Variants in DHRS7C observed in about 807,000 individuals in gnomAD.
The protein encoded by DHRS7C is dehydrogenase/reductase SDR family member 7C.
A neutral mutation model predicts 29.6 loss-of-function variants in DHRS7C; 28 were observed. That is an observed-to-expected ratio of 0.95 (90% confidence interval 0.70 to 1.30). The LOEUF (loss-of-function observed/expected upper bound fraction) is 1.30. DHRS7C is among the 50% of genes most tolerant of loss of function. The pLI is 0.00. For synonymous variants in DHRS7C, 158 were observed against 160.2 expected (o/e 0.99, Z 0.10); for missense variants, 403 against 393.3 (o/e 1.02, Z -0.21).
chr17:9,771,841 G>C (rs1458145198), intron 5 of DHRS7C, 145 bp from the exon 6 acceptor site: 1 of 738,612 alleles, frequency 1.4e-6, no homozygotes, highest in African/African-American at 1.8e-5. Context: ...GCCACCCGCG[G>C]ACCGCGGCGA....
At chr17:9,777,781 C>T (rs189583535) in intron 3 of DHRS7C, among the ~76,000 whole-genome samples, 159 of 152,202 alleles carry the variant, frequency 1.0e-3, no homozygotes, top group African/African-American at 3.5e-3. Flanking sequence ...GTGTCTTTAA[C>T]GCCTCTCTTG....
chr17:9,773,000 G>A (rs984956741), intron 4 of DHRS7C, 78 bp from the exon 5 acceptor site: 3 of 1,540,924 alleles, frequency 1.9e-6, no homozygotes, highest in Non-Finnish European at 2.6e-6. Context: ...GAGGCAGGAG[G>A]GCCGACAGAC....
chr17:9,772,646 C>T (rs2066337097), intron 5 of DHRS7C, 121 bp downstream of exon 5: 3 of 1,320,804 alleles, frequency 2.3e-6, no homozygotes, highest in South Asian at 1.5e-5. Flanking sequence ...GCTGAGCCTC[C>T]TCCACCCCCA....
intron 1 of DHRS7C, among the ~76,000 whole-genome samples, chr17:9,784,596 G>C (rs150134524): frequency 9.5e-4 from 145 of 152,162 alleles, no homozygotes; most frequent in African/African-American, 3.4e-3. Context: ...GTCAGAAAAG[G>C]GTTAATTTGA....
chr17:9,790,667 C>A (rs1228815289), intron 1 of DHRS7C, among the ~76,000 whole-genome samples: 5 of 152,224 alleles, frequency 3.3e-5, no homozygotes, highest in African/African-American at 7.2e-5. Context: ...TTATTCCTCA[C>A]AATGGCAGCA....
chr17:9,778,865 C>A (rs946017927), intron 3 of DHRS7C, among the ~76,000 whole-genome samples: 2 of 152,180 alleles, frequency 1.3e-5, no homozygotes, highest in African/African-American at 2.4e-5. Flanking sequence ...ATTACATTCC[C>A]CCTGAGCTTC....
chr17:9,782,557 C>T (rs1190567816), intron 1 of DHRS7C, among the ~76,000 whole-genome samples: 1 of 152,212 alleles, frequency 6.6e-6, no homozygotes, highest in African/African-American at 2.4e-5. Context: ...GGGCTGCCCT[C>T]TCTGGGGGTG....
intron 1 of DHRS7C, among the ~76,000 whole-genome samples, chr17:9,790,313 A>G (rs2066447729): frequency 6.6e-6 from 1 of 152,234 alleles, no homozygotes; most frequent in Admixed American, 6.5e-5. Flanking sequence ...TGCACTAACT[A>G]TGTAACATAT....
intron 1 of DHRS7C, among the ~76,000 whole-genome samples, chr17:9,787,077 C>T (rs1184814170): frequency 6.6e-6 from 1 of 152,116 alleles, no homozygotes; most frequent in Non-Finnish European, 1.5e-5. Flanking sequence ...TCCCAAGTAG[C>T]TGGGATTACA....
chr17:9,789,306 C>G (rs11650364), intron 1 of DHRS7C, among the ~76,000 whole-genome samples: 19,966 of 152,182 alleles, frequency 0.13, 1,427 homozygotes, highest in Non-Finnish European at 0.18. Context: ...TCATACAGAG[C>G]GTATTCTCCA....
In DHRS7C at chr17:9,774,281, G is replaced by GT. The variant is rs575687808; in HGVS notation, c.572-1360dup. On this transcript the variant is annotated intron_variant, in intron 4 of 5. Coordinates refer to ENST00000571134, the MANE Select transcript of DHRS7C (RefSeq NM_001105571.3). This position sits in a 1 kb window ranked among gnomAD's most constrained non-coding sequence, Gnocchi z 5.0. ...GTGGACAGGTAACTTTCCATGTGGT[G>GT]TTTTTTGTTTTGTTTTGTTTTGAGA... 1.7e-4 allele frequency among the ~76,000 whole-genome samples: 26 copies of GT among 151,626 alleles called. No individual in the cohort carries two copies. Among genetic ancestry groups the GT allele is most frequent in the Non-Finnish European group, 2.9e-4 (20 of 67,936 alleles).
At chr17:9,773,097 T>G (rs969949063) in intron 4 of DHRS7C, among the ~76,000 whole-genome samples, 175 bp from the exon 5 acceptor site, 1 of 152,044 alleles carries the variant, frequency 6.6e-6, no homozygotes, top group African/African-American at 2.4e-5. Context: ...TCGGGAGTGG[T>G]GGACATAGAG....
At chr17:9,784,595 G>C (rs985171950) in intron 1 of DHRS7C, among the ~76,000 whole-genome samples, 10 of 152,170 alleles carry the variant, frequency 6.6e-5, no homozygotes, top group African/African-American at 2.4e-4. Context: ...TGTCAGAAAA[G>C]GGTTAATTTG....
intron 1 of DHRS7C, 46 bp from the exon 2 acceptor site, chr17:9,781,640 G>A: frequency 6.3e-7 from 1 of 1,577,740 alleles, no homozygotes; most frequent in East Asian, 2.2e-5. Flanking sequence ...TGTGGATGGA[G>A]CCACTGACAG....
chr17:9,788,199 AAAAT>A (rs532209782), intron 1 of DHRS7C, among the ~76,000 whole-genome samples: 111 of 152,186 alleles, frequency 7.3e-4, no homozygotes, highest in African/African-American at 2.0e-3. Context: ...TTCTTTTTTT[AAAAT>A]AAATAAATAA....
In DHRS7C at chr17:9,772,873, G is replaced by A. The variant is rs1373674651; in HGVS notation, c.621C>T (p.Ala207=). Residue 207 remains alanine, a synonymous_variant, in exon 5 of 6, where the codon GCC becomes GCT. Transcript: ENST00000571134. ...TGACAACATCGTATTCCTCCACTTC[G>A]GCTCGGAGGCAGTCAAAGAAGCCCA... The part of the protein sequence containing the change: ...AALGFFDCLR[A]EVEEYDVVIS... 1 of 1,613,914 alleles carries A rather than the reference G, an allele frequency of 6.2e-7. No individual in the cohort carries two copies. The highest frequency in any genetic ancestry group is 8.5e-7 in the Non-Finnish European group (1 of 1,179,890).
chr17:9,782,864 T>G (rs1386506984), intron 1 of DHRS7C: 3 of 152,276 alleles, frequency 2.0e-5, no homozygotes, highest in Non-Finnish European at 2.9e-5. Flanking sequence ...AGGCTGAATA[T>G]CCCGAGTGTT....
chr17:9,788,310 A>G (rs2066435798), intron 1 of DHRS7C, among the ~76,000 whole-genome samples: 1 of 152,072 alleles, frequency 6.6e-6, no homozygotes, highest in Non-Finnish European at 1.5e-5. Context: ...GGGTTCAAGC[A>G]ATCCTCCTGC....
In DHRS7C at chr17:9,772,920, C is replaced by T. The variant is rs1334338636; in HGVS notation, c.574G>A (p.Ala192Thr). 6.8e-6 allele frequency: 11 copies of T among 1,613,286 alleles called. No individual in the cohort carries two copies. The highest frequency in any genetic ancestry group is 2.2e-5 in the East Asian group (1 of 44,842). Residue 192 changes from alanine to threonine, a missense_variant and splice_region_variant, in exon 5 of 6, where the codon GCT (alanine) becomes ACT (threonine). Coordinates refer to ENST00000571134, the MANE Select transcript of DHRS7C (RefSeq NM_001105571.3). ...CCCAGGGCTGCGTGCTTGGAGGCAGCGTCTGCGAGACAAACCATCCGGAGG... is the reference window on the plus strand; with the variant it reads ...CCCAGGGCTGCGTGCTTGGAGGCAGTGTCTGCGAGACAAACCATCCGGAGG... The part of the protein sequence containing the change: ...KFGIPFRTTY[A>T]ASKHAALGFF...
Sources: allele counts gnomAD v4.1 joint callset (sites outside exome capture counted in the v4.1 genomes callset), GRCh38; gene constraint gnomAD v4.1.1; non-coding constraint Gnocchi (gnomAD v3.1); transcripts MANE v1.5; gene names NCBI Gene and HGNC (gene_info 2026-07-23, HGNC 2026-07-21).